The following TECTA variants were observed in gnomAD, a reference collection of about 807,000 sequenced individuals.
The protein encoded by TECTA is alpha-tectorin.
In TECTA, 128 loss-of-function variants were observed where a neutral mutation model predicts 216.8. The ratio of observed to expected loss-of-function variants is 0.59; its 90% CI spans 0.51 to 0.68. The LOEUF is 0.68. Ranked by LOEUF, TECTA falls within the 30% of genes least tolerant of loss-of-function variation. TECTA has a pLI of 0.00. For synonymous variants in TECTA, 1,089 were observed against 1,117.1 expected (o/e 0.97, Z 0.50); for missense variants, 2,551 against 2,786.2 (o/e 0.92, Z 1.90).
intron 10 of TECTA, among the ~76,000 whole-genome samples, chr11:121,131,416 A>G (rs1319983177): frequency 6.6e-6 from 1 of 152,236 alleles, no homozygotes; most frequent in African/African-American, 2.4e-5. Flanking sequence ...CTCTGAAAAT[A>G]TACTCACTCT....
chr11:121,115,765 A>G (rs1946496237), intron 6 of TECTA, among the ~76,000 whole-genome samples: 1 of 152,096 alleles, frequency 6.6e-6, no homozygotes, highest in Admixed American at 6.5e-5. Flanking sequence ...GGCTCAAGTA[A>G]TCCTCTCACC....
intron 20 of TECTA, among the ~76,000 whole-genome samples, chr11:121,181,340 T>G (rs1400788163): frequency 2.0e-5 from 3 of 152,118 alleles, no homozygotes; most frequent in African/African-American, 7.2e-5. Flanking sequence ...TTCTTTGTAT[T>G]GTTTATTTGT....
intron 8 of TECTA, 76 bp downstream of exon 8, chr11:121,125,948 A>G (rs1946607795): frequency 6.6e-7 from 1 of 1,520,212 alleles, no homozygotes; most frequent in Non-Finnish European, 8.9e-7. Flanking sequence ...GCTCCTCCAA[A>G]TGTCCTTGTT....
intron 10 of TECTA, among the ~76,000 whole-genome samples, chr11:121,133,016 G>A (rs1222750730): frequency 6.6e-6 from 1 of 152,200 alleles, no homozygotes; most frequent in East Asian, 1.9e-4. Context: ...ACAGGCGTGA[G>A]CCACCACGCC....
Position 121,126,402 on chromosome 11 carries a change from G to T in TECTA, c.1774+530G>T, listed in dbSNP as rs1946612858. Among the ~76,000 whole-genome samples, 3 of 152,170 alleles carry T rather than the reference G, an allele frequency of 2.0e-5. No individual in the cohort carries two copies. In the South Asian group the frequency reaches 6.2e-4, roughly 32 times the overall value. On this transcript the variant is annotated intron_variant, in intron 8 of 23. Transcript: ENST00000392793. ...AGAAGCCCTTTTTCTTAAATATTAG[G>T]AGTGGTTAGGAAAAGCCCCAACTTT...
intron 20 of TECTA, among the ~76,000 whole-genome samples, chr11:121,170,875 C>T (rs75598010): frequency 0.12 from 18,946 of 152,050 alleles, 1,594 homozygotes; most frequent in South Asian, 0.33. Flanking sequence ...TTTTATTCAA[C>T]AGGTTGTCTC....
chr11:121,190,200 T>C (rs989923237), intron 23 of TECTA: 6 of 385,716 alleles, frequency 1.6e-5, no homozygotes, highest in Admixed American at 1.5e-4. Context: ...AAGGTTGGGA[T>C]TGGGATGCTT....
chr11:121,114,256 G>A (rs765289287), intron 6 of TECTA, among the ~76,000 whole-genome samples: 4 of 152,168 alleles, frequency 2.6e-5, no homozygotes, highest in Admixed American at 2.0e-4. Context: ...TCAGCAAAAC[G>A]TGCAGGAATT....
rs1307753445 is a variant in TECTA at position 121,113,676 on chromosome 11, G to A, written c.748G>A (p.Asp250Asn). 6.2e-7 allele frequency: 1 copy of A among 1,613,900 alleles called. No homozygotes were observed. The highest frequency in any genetic ancestry group is 8.5e-7 in the Non-Finnish European group (1 of 1,180,004). Residue 250 changes from aspartate (D) to asparagine (N), a missense_variant, in exon 6 of 24, where the codon GAT becomes AAT. By Grantham distance (23) the Asp-to-Asn change is conservative (BLOSUM62 1). Around this residue, in one of 3 missense-constraint regions of TECTA, gnomAD observed 2,375 missense variants for 2,563.9 expected, o/e 0.93. Coordinates refer to ENST00000392793, the MANE Select transcript of TECTA (RefSeq NM_005422.4). This position sits in a 1 kb window ranked among gnomAD's most constrained non-coding sequence, Gnocchi z 4.2. ...NVPGRWAFKV[D>N]GKEIDPANGC... ...TCCAGGCCGCTGGGCATTTAAAGTT[G>A]ATGGAAAGGAAATTGACCCAGCCAA...
rs146930070 is a variant in TECTA at position 121,168,065 on chromosome 11, G to A, written c.5598G>A (p.Thr1866=). The A allele has an allele frequency of 1.9e-5, 31 of 1,614,108 alleles. No homozygotes were observed. Among genetic ancestry groups the A allele is most frequent in the East Asian group, 4.5e-5 (2 of 44,886 alleles). The change falls in exon 19 of 24, where the codon ACG becomes ACA. Residue 1866 remains threonine (T), a synonymous_variant. Transcript: ENST00000392793. ...CCCTTGTTCTGCAGTCCAATGGCAC[G>A]CATATCATGTATAAAAACACACTCT... ...NCGNIVQSNG[T]HIMYKNTLWI...
chr11:121,145,802 A>G lies in TECTA; in HGVS notation c.3791A>G (p.Asn1264Ser), dbSNP rs200871280. ...ATGGGTCTGCTTGCATCGAGTGTCA[A>G]TGAGTTTGGGCAGAGCTGGGTGAAG... ...MPMGLLASSVNEFGQSWVKRD... is the reference protein window; with the variant it reads ...MPMGLLASSVSEFGQSWVKRD... Residue 1264 changes from asparagine (N) to serine (S), a missense_variant, in exon 12 of 24, where the codon AAT becomes AGT. Physicochemically the swap from Asn to Ser is conservative, Grantham distance 46. Transcript: ENST00000392793. The G allele has an allele frequency of 2.4e-4, 381 of 1,614,032 alleles. No homozygotes were observed. Among genetic ancestry groups the G allele is most frequent in the Admixed American group, 1.7e-4 (10 of 60,000 alleles).
intron 7 of TECTA, 66 bp downstream of exon 7, chr11:121,118,784 T>C: frequency 6.3e-7 from 1 of 1,587,296 alleles, no homozygotes; most frequent in South Asian, 1.1e-5. Context: ...TAGGGAAGAC[T>C]TCCCCAGATC....
intron 10 of TECTA, among the ~76,000 whole-genome samples, chr11:121,136,247 C>T (rs1946725800): frequency 6.6e-6 from 1 of 152,126 alleles, no homozygotes; most frequent in African/African-American, 2.4e-5. Flanking sequence ...CAAGTGTGTG[C>T]TGTGCTTTTT....
rs748854410 is a variant in TECTA at position 121,153,062 on chromosome 11, C to T, written c.4287C>T (p.Ser1429=). The change falls in exon 13 of 24, where the codon TCC becomes TCT. Residue 1429 remains serine, a synonymous_variant. Transcript: ENST00000392793. ...CILPHSCGCY[S]DGKYYEPKQL... is the part of the protein sequence containing the mutation. The stretch of plus-strand genomic sequence containing the variant: ...TGCCCCACAGCTGCGGCTGCTACTC[C>T]GATGGCAAATATTACGAGGTATGGG... 17 of 1,613,944 alleles carry T rather than the reference C, an allele frequency of 1.1e-5. 1 individual carries two copies. In the South Asian group the frequency reaches 1.3e-4, roughly 13 times the overall value.
At position 121,168,085 on chromosome 11, in the gene TECTA, C is replaced by T. The variant is rs1431489314; in HGVS notation, c.5618C>T (p.Thr1873Ile). The change falls in exon 19 of 24, where the codon ACA becomes ATA. Residue 1873 changes from threonine (T) to isoleucine (I), a missense_variant. Physicochemically the swap from Thr to Ile is moderately conservative, Grantham distance 89. Around this residue, in one of 3 missense-constraint regions of TECTA, gnomAD observed 2,375 missense variants for 2,563.9 expected, o/e 0.93. Transcript: ENST00000392793. The part of the protein sequence containing the change: ...SNGTHIMYKN[T>I]LWIESANNTG... ...GGCACGCATATCATGTATAAAAACACACTCTGGATCGAAAGCGCCAACAAC... is the reference window on the plus strand; with the variant it reads ...GGCACGCATATCATGTATAAAAACATACTCTGGATCGAAAGCGCCAACAAC... 4.3e-6 allele frequency: 7 copies of T among 1,614,080 alleles called. No homozygotes were observed. In the East Asian group the frequency reaches 1.3e-4, roughly 31 times the overall value.
At chr11:121,108,759 C>T (rs1946415279) in intron 3 of TECTA, among the ~76,000 whole-genome samples, 1 of 149,618 alleles carries the variant, frequency 6.7e-6, no homozygotes, top group African/African-American at 2.5e-5. Flanking sequence ...CCCCAGTACA[C>T]ACACACACAC....
At chr11:121,160,449 G>T in intron 15 of TECTA, 28 bp downstream of exon 15, 1 of 1,603,818 alleles carries the variant, frequency 6.2e-7, no homozygotes, top group African/African-American at 1.3e-5. Context: ...CAAGCCACTA[G>T]ACTTGGTGGC....
chr11:121,176,102 C>T (rs1405223107), intron 20 of TECTA, among the ~76,000 whole-genome samples: 1 of 151,620 alleles, frequency 6.6e-6, no homozygotes, highest in Non-Finnish European at 1.5e-5. Flanking sequence ...AGATGGGTTT[C>T]CTGAATACAG....
At position 121,158,351 on chromosome 11, in the gene TECTA, AG is replaced by A. The variant is rs1374053764; in HGVS notation, c.4689+128del. The A allele has an allele frequency of 2.3e-6, 3 of 1,294,554 alleles. No individual in the cohort carries two copies. The Admixed American group carries it at 5.6e-5, about 24-fold the overall frequency. 80.2% of individuals were successfully genotyped at this position (1,294,554 alleles called of 1,614,324 possible). A position where few individuals can be genotyped will look rare whatever the true frequency, so the allele number is the denominator to read the frequency against. On this transcript the variant is annotated intron_variant, in intron 14 of 23. Coordinates refer to ENST00000392793, the MANE Select transcript of TECTA (RefSeq NM_005422.4). Reference sequence around the variant, plus strand: ...TGTTGCTTCATGGTGTTCCACACACAGTGACCAGGTTTTAAAGAATCAAAGT... The same window carrying A: ...TGTTGCTTCATGGTGTTCCACACACATGACCAGGTTTTAAAGAATCAAAGT...
Sources: gnomAD v4.1 joint callset for allele counts (sites outside exome capture counted in the v4.1 genomes callset) on GRCh38, gnomAD v4.1.1 for gene constraint, gnomAD v4.1.1 regional missense constraint, Gnocchi (gnomAD v3.1) non-coding constraint, MANE v1.5 for transcripts, NCBI Gene and HGNC (gene_info 2026-07-23, HGNC 2026-07-21) for gene names.